VGF: variants seen among roughly 807,000 people sequenced by gnomAD.
VGF encodes the protein neurosecretory protein VGF.
Under a neutral mutation model 41.1 loss-of-function variants are expected in VGF, and 13 were observed. The observed-to-expected ratio is 0.32, with a 90% CI of 0.21 to 0.50. VGF has a LOEUF of 0.50. VGF is among the 20% of genes least tolerant of loss of function. The pLI, the probability that VGF is intolerant of heterozygous loss-of-function variation, is 0.98. For missense variants in VGF, 920 were observed against 882.1 expected, an observed-to-expected ratio of 1.04 and a Z score of -0.54; for synonymous variants, 473 against 418.3, an observed-to-expected ratio of 1.13 and a Z score of -1.60.
At position 101,163,448 on chromosome 7, in the gene VGF, C is replaced by T; in HGVS notation, c.1396G>A (p.Ala466Thr). 1 of 1,612,890 alleles carries T rather than the reference C, an allele frequency of 6.2e-7. No individual in the cohort carries two copies. Among genetic ancestry groups the T allele is most frequent in the Non-Finnish European group, 8.5e-7 (1 of 1,179,930 alleles). Residue 466 changes from alanine (A) to threonine (T), a missense_variant, in exon 2 of 2, where the codon GCG becomes ACG. Transcript: ENST00000249330. This position sits in a 1 kb window ranked among gnomAD's most constrained non-coding sequence, Gnocchi z 5.0. ...IELSTKLHLPADDVVSIIEEV... is the reference protein window; with the variant it reads ...IELSTKLHLPTDDVVSIIEEV... ...TCGATGATGCTGACCACGTCGTCCG[C>T]TGGCAGGTGGAGTTTGGTGGACAGC...
In VGF at chr7:101,163,740, C is replaced by T. The variant is rs777390096; in HGVS notation, c.1104G>A (p.Glu368=). 9 of 1,535,066 alleles carry T rather than the reference C, an allele frequency of 5.9e-6. No individual in the cohort carries two copies. In the South Asian group the frequency reaches 9.5e-5, roughly 16 times the overall value. The part of the protein sequence containing the change: ...RESAREEEEA[E]QERRGGEERV... The stretch of plus-strand genomic sequence containing the variant: ...TCTCCTCCCCGCCGCGTCTCTCCTG[C>T]TCCGCCTCCTCCTCCTCCCTTGCAC... Residue 368 remains glutamate (E), a synonymous_variant, in exon 2 of 2, where the codon GAG becomes GAA. Transcript: ENST00000249330. The surrounding 1 kb of genome is among the most constrained non-coding windows in gnomAD (Gnocchi z 5.0).
In VGF at chr7:101,164,020, G is replaced by C. The variant is rs1303946573; in HGVS notation, c.824C>G (p.Pro275Arg). The C allele has an allele frequency of 3.4e-6, 5 of 1,477,822 alleles. No individual in the cohort carries two copies. Among genetic ancestry groups the C allele is most frequent in the Non-Finnish European group, 3.5e-6 (4 of 1,127,432 alleles). 91.5% of individuals were successfully genotyped at this position (1,477,822 alleles called of 1,614,324 possible). The change falls in exon 2 of 2, where the codon CCG becomes CGG. Residue 275 changes from proline (P) to arginine (R), a missense_variant. Transcript: ENST00000249330. The stretch of plus-strand genomic sequence containing the variant: ...CTCCGGCCGGCGCGCCTTGGGGAAC[G>C]GGGCGGCCACGCCTTGGTACGCCTT... ...LSKAYQGVAA[P>R]FPKARRPESA...
Position 101,163,404 on chromosome 7 carries a change from C to T in VGF, c.1440G>A (p.Arg480=), listed in dbSNP as rs1382545685. The T allele has an allele frequency of 1.2e-6, 2 of 1,604,686 alleles. No homozygotes were observed. Among genetic ancestry groups the T allele is most frequent in the Non-Finnish European group, 8.5e-7 (1 of 1,179,234 alleles). ...VSIIEEVEEK[R]KRKKNAPPEP... is the part of the protein sequence containing the mutation. ...CGGGAGGGGCGTTCTTCTTCCGCTT[C>T]CGCTTCTCCTCCACCTCCTCGATGA... The change falls in exon 2 of 2, where the codon CGG becomes CGA. Residue 480 remains arginine (R), a synonymous_variant. Coordinates refer to ENST00000249330, the MANE Select transcript of VGF (RefSeq NM_003378.4). The surrounding 1 kb of genome is among the most constrained non-coding windows in gnomAD (Gnocchi z 5.0).
At chr7:101,166,231 T>C (rs1797216914), upstream of VGF, among the ~76,000 whole-genome samples, 1 of 152,168 alleles carries the variant, frequency 6.6e-6, no homozygotes, top group Non-Finnish European at 1.5e-5. Flanking sequence ...TCTTGCGGTT[T>C]TGGTAATCCC....
Position 101,163,707 on chromosome 7 carries a change from C to T in VGF, c.1137G>A (p.Gly379=), listed in dbSNP as rs754753856. The T allele has an allele frequency of 6.5e-7, 1 of 1,536,160 alleles. No individual in the cohort carries two copies. Residue 379 remains glycine, a synonymous_variant, in exon 2 of 2, where the codon GGG becomes GGA. Transcript: ENST00000249330. The surrounding 1 kb of genome is among the most constrained non-coding windows in gnomAD (Gnocchi z 5.0). ...CCTCGGCCGCCTCCTCATCCTCTTC[C>T]CCCACCCTCTCCTCCCCGCCGCGTC... The part of the protein sequence containing the change: ...QERRGGEERV[G]EEDEEAAEAE...
chr7:101,165,086 G>T (rs893703228), intron 1 of VGF: 2 of 1,236,654 alleles, frequency 1.6e-6, no homozygotes, highest in Non-Finnish European at 2.0e-6. Flanking sequence ...CTTACCCAGG[G>T]CCTCCTCGGC....
chr7:101,163,649 G>T lies in VGF; in HGVS notation c.1195C>A (p.Arg399=), dbSNP rs972430617. The change falls in exon 2 of 2, where the codon CGG becomes AGG. Residue 399 remains arginine (R), a synonymous_variant. Coordinates refer to ENST00000249330, the MANE Select transcript of VGF (RefSeq NM_003378.4). The surrounding 1 kb of genome is among the most constrained non-coding windows in gnomAD (Gnocchi z 5.0). ...TCCGCGAACAGGAGCGCGTTCTGCC[G>T]CGCCCTCTCCGCCTCCTCCGCCTCT... is the stretch of plus-strand genomic sequence containing the variant. ...EAEAEEAERA[R]QNALLFAEEE... The T allele has an allele frequency of 7.1e-6, 11 of 1,541,418 alleles. No individual in the cohort carries two copies. The highest frequency in any genetic ancestry group is 2.0e-5 in the Admixed American group (1 of 51,088).
chr7:101,168,515 TAGAAAA>T (rs1426424923), upstream of VGF, among the ~76,000 whole-genome samples: 5 of 151,826 alleles, frequency 3.3e-5, no homozygotes, highest in Non-Finnish European at 7.4e-5. Flanking sequence ...AGGGAGACAG[TAGAAAA>T]AGAAAGAGAA....
Position 101,164,650 on chromosome 7 carries a change from G to A in VGF, c.194C>T (p.Ser65Phe). 1 of 1,593,538 alleles carries A rather than the reference G, an allele frequency of 6.3e-7. No homozygotes were observed. Among genetic ancestry groups the A allele is most frequent in the Non-Finnish European group, 8.5e-7 (1 of 1,170,338 alleles). ...SAPEVRGARN[S>F]EPQDEGELFQ... is the part of the protein sequence containing the mutation. ...AAGCTCTCCCTCGTCCTGCGGCTCGGAATTCCGAGCGCCTCGGACCTCTGG... is the reference window on the plus strand; with the variant it reads ...AAGCTCTCCCTCGTCCTGCGGCTCGAAATTCCGAGCGCCTCGGACCTCTGG... The change falls in exon 2 of 2, where the codon TCC becomes TTC. Residue 65 changes from serine (S) to phenylalanine (F), a missense_variant. By Grantham distance (155) the Ser-to-Phe change is radical. This residue lies in a region of VGF where 654 missense variants were observed against 638.4 expected (regional missense o/e 1.02). Coordinates refer to ENST00000249330, the MANE Select transcript of VGF (RefSeq NM_003378.4).
At chr7:101,165,147 A>C in intron 1 of VGF, 1 of 1,111,728 alleles carries the variant, frequency 9.0e-7, no homozygotes, top group Non-Finnish European at 1.1e-6. Context: ...AGCAGCAGCA[A>C]TATGGGGGAA....
Position 101,162,826 on chromosome 7 carries a change from A to T in VGF, c.*170T>A. The T allele has an allele frequency of 1.5e-6, 1 of 659,018 alleles. No individual in the cohort carries two copies. The highest frequency in any genetic ancestry group is 2.8e-6 in the Non-Finnish European group (1 of 359,866). 40.8% of individuals were successfully genotyped at this position (659,018 alleles called of 1,614,324 possible). On this transcript the variant is annotated 3_prime_UTR_variant, in exon 2 of 2. Transcript: ENST00000249330. This position sits in a 1 kb window ranked among gnomAD's most constrained non-coding sequence, Gnocchi z 4.2. ...GGGTGAGCTCTGGGAGTTCGGGCTCAGGACCCGGGAGGGGGGTCTGGCAGG... is the reference window on the plus strand; with the variant it reads ...GGGTGAGCTCTGGGAGTTCGGGCTCTGGACCCGGGAGGGGGGTCTGGCAGG...
Position 101,162,557 on chromosome 7 carries a change from T to G in VGF, c.*439A>C. 1.2e-5 allele frequency: 3 copies of G among 260,370 alleles called. No individual in the cohort carries two copies. The highest frequency in any genetic ancestry group is 2.3e-5 in the Non-Finnish European group (3 of 129,734). The allele number at this position is 260,370 out of a possible 1,614,324, so 16.1% of individuals were successfully genotyped here. A position where few individuals can be genotyped will look rare whatever the true frequency, so the allele number is the denominator to read the frequency against. Reference sequence around the variant, plus strand: ...TTTCTTAGCAAAACTATTTCCTCCGTGAGGGGTATTTACAACAGAGAAAGG... The same window carrying G: ...TTTCTTAGCAAAACTATTTCCTCCGGGAGGGGTATTTACAACAGAGAAAGG... On this transcript the variant is annotated 3_prime_UTR_variant, in exon 2 of 2. Transcript: ENST00000249330. This position sits in a 1 kb window ranked among gnomAD's most constrained non-coding sequence, Gnocchi z 4.2.
Position 101,164,530 on chromosome 7 carries a change from C to G in VGF, c.314G>C (p.Gly105Ala), listed in dbSNP as rs1286766659. The change falls in exon 2 of 2, where the codon GGG becomes GCG. Residue 105 changes from glycine to alanine, a missense_variant. Transcript: ENST00000249330. ...SPPAPSGSQQ[G>A]PEEEAAEALL... ...AGCTTCAGCTGCTTCTTCCTCCGGC[C>G]CCTGCTGGGAGCCGCTTGGTGCCGG... The G allele has an allele frequency of 6.3e-7, 1 of 1,599,398 alleles. No individual in the cohort carries two copies. The highest frequency in any genetic ancestry group is 8.5e-7 in the Non-Finnish European group (1 of 1,178,192).
In VGF at chr7:101,162,844, C is replaced by A; in HGVS notation, c.*152G>T. On this transcript the variant is annotated 3_prime_UTR_variant, in exon 2 of 2. Coordinates refer to ENST00000249330, the MANE Select transcript of VGF (RefSeq NM_003378.4). This position sits in a 1 kb window ranked among gnomAD's most constrained non-coding sequence, Gnocchi z 4.2. ...CGGGCTCAGGACCCGGGAGGGGGGT[C>A]TGGCAGGTCCCGACGCAGCCCGGGG... 1 of 671,232 alleles carries A rather than the reference C, an allele frequency of 1.5e-6. No homozygotes were observed. Among genetic ancestry groups the A allele is most frequent in the Admixed American group, 2.1e-5 (1 of 47,776 alleles). 41.6% of individuals were successfully genotyped at this position (671,232 alleles called of 1,614,324 possible). A position where few individuals can be genotyped will look rare whatever the true frequency, so the allele number is the denominator to read the frequency against.
upstream of VGF, among the ~76,000 whole-genome samples, chr7:101,168,337 G>A (rs1797254641): frequency 1.3e-5 from 2 of 152,150 alleles, no homozygotes; most frequent in African/African-American, 4.8e-5. Context: ...GACTCTGTCT[G>A]CATGGTCTCT....
Position 101,164,360 on chromosome 7 carries a change from G to A in VGF, c.484C>T (p.Leu162=), listed in dbSNP as rs958078586. Residue 162 remains leucine (L), a synonymous_variant, in exon 2 of 2, where the codon CTG becomes TTG. Coordinates refer to ENST00000249330, the MANE Select transcript of VGF (RefSeq NM_003378.4). ...PSEELEALAS[L]LQELRDFSPS... ...CTGAAATCTCGCAGTTCCTGGAGCA[G>A]GGACGCTAGCGCCTCGAGCTCCTCG... 1.2e-6 allele frequency: 2 copies of A among 1,611,944 alleles called. No individual in the cohort carries two copies. Among genetic ancestry groups the A allele is most frequent in the Non-Finnish European group, 1.7e-6 (2 of 1,179,894 alleles).
rs1333057307 is a variant in VGF at position 101,165,559 on chromosome 7, T to C, written c.-206A>G. On this transcript the variant is annotated 5_prime_UTR_variant, in exon 1 of 2. Transcript: ENST00000249330. ...CTCCGGGCGGCTAGCTCGCTCCGGC[T>C]TCAGCACGCTGGACAGCGCCCGCGC... 2 of 985,284 alleles carry C rather than the reference T, an allele frequency of 2.0e-6. No homozygotes were observed. Among genetic ancestry groups the C allele is most frequent in the Admixed American group, 6.1e-5 (1 of 16,268 alleles). 61.0% of individuals were successfully genotyped at this position (985,284 alleles called of 1,614,324 possible).
rs1476528100 is a variant in VGF, at chr7:101,164,541, G to A, written c.303C>T (p.Gly101=). The change falls in exon 2 of 2, where the codon GGC becomes GGT. Residue 101 remains glycine (G), a synonymous_variant. Transcript: ENST00000249330. The part of the protein sequence containing the change: ...DRPASPPAPS[G]SQQGPEEEAA... ...CTTCTTCCTCCGGCCCCTGCTGGGAGCCGCTTGGTGCCGGGGGTGAGGCGG... is the reference window on the plus strand; with the variant it reads ...CTTCTTCCTCCGGCCCCTGCTGGGAACCGCTTGGTGCCGGGGGTGAGGCGG... 1.9e-6 allele frequency: 3 copies of A among 1,598,918 alleles called. No homozygotes were observed. Among genetic ancestry groups the A allele is most frequent in the Admixed American group, 1.7e-5 (1 of 59,456 alleles).
At chr7:101,169,618 A>C (rs1461801617), upstream of VGF, among the ~76,000 whole-genome samples, 1 of 152,060 alleles carries the variant, frequency 6.6e-6, no homozygotes, top group Non-Finnish European at 1.5e-5. Context: ...CAAAACCCTC[A>C]AGGAATGCGA....
Sources: allele counts gnomAD v4.1 joint callset (sites outside exome capture counted in the v4.1 genomes callset), GRCh38; gene constraint gnomAD v4.1.1; regional missense constraint gnomAD v4.1.1; non-coding constraint Gnocchi (gnomAD v3.1); transcripts MANE v1.5; gene names NCBI Gene and HGNC (gene_info 2026-07-23, HGNC 2026-07-21).